Variants in CEP295 observed in about 807,000 individuals in gnomAD.
CEP295 encodes centrosomal protein 295, also known as centrosomal protein of 295 kDa.
A neutral mutation model predicts 291.6 loss-of-function variants in CEP295; 190 were observed. That is an observed-to-expected ratio of 0.65 (90% CI 0.58 to 0.73). CEP295 has a LOEUF of 0.73. Ranked by LOEUF, CEP295 falls within the 30% of genes least tolerant of loss-of-function variation. The pLI, the probability that CEP295 is intolerant of heterozygous loss-of-function variation, is 0.00. For synonymous variants in CEP295, 993 were observed against 1,038.8 expected (o/e 0.96, Z 0.85); for missense variants, 2,863 against 2,949.4 (o/e 0.97, Z 0.68).
rs754335669 is a variant in CEP295 at position 93,683,985 on chromosome 11, T to C, written c.971T>C (p.Leu324Pro). 3.2e-6 allele frequency: 5 copies of C among 1,551,274 alleles called. No individual in the cohort carries two copies. The highest frequency in any genetic ancestry group is 4.4e-6 in the Non-Finnish European group (5 of 1,146,990). The change falls in exon 9 of 30, where the codon CTG (leucine) becomes CCG (proline). Residue 324 changes from leucine (L) to proline (P), a missense_variant. Physicochemically the swap from Leu to Pro is moderately conservative, Grantham distance 98 (BLOSUM62 -3). This residue lies in a region of CEP295 where 554 missense variants were observed against 576.0 expected (regional missense o/e 0.96). Transcript: ENST00000325212. Reference sequence around the variant, plus strand: ...TAAGAGGTGAAAGGGAATCTGATTCTGCACCTTGAACCAGAGCCCTTGCCC... The same window carrying C: ...TAAGAGGTGAAAGGGAATCTGATTCCGCACCTTGAACCAGAGCCCTTGCCC... Reference protein sequence around the residue: ...ADRKVKGNLILHLEPEPLPTV... With the variant: ...ADRKVKGNLIPHLEPEPLPTV...
chr11:93,666,729 A>G lies in CEP295; in HGVS notation c.22A>G (p.Thr8Ala). ...AGAAATGAAGAGAAAAGTCGTGAAT[A>G]CTCACAAGCTGAGATTGAGTCCTAA... is the stretch of plus-strand genomic sequence containing the variant. The part of the protein sequence containing the change: MKRKVVN[T>A]HKLRLSPNEE... The change falls in exon 2 of 30, where the codon ACT becomes GCT. Residue 8 changes from threonine (T) to alanine (A), a missense_variant. Coordinates refer to ENST00000325212, the MANE Select transcript of CEP295 (RefSeq NM_033395.2). 6.5e-7 allele frequency: 1 copy of G among 1,540,068 alleles called. No homozygotes were observed. The highest frequency in any genetic ancestry group is 8.8e-7 in the Non-Finnish European group (1 of 1,138,748).
intron 15 of CEP295, 127 bp from the exon 16 acceptor site, chr11:93,702,333 T>G: frequency 3.6e-6 from 2 of 562,576 alleles, no homozygotes; most frequent in Non-Finnish European, 6.0e-6. Context: ...TAGATAAAAT[T>G]TTGTGATTGA....
chr11:93,699,915 C>T lies in CEP295; in HGVS notation c.5003C>T (p.Thr1668Ile), dbSNP rs959541452. 3 of 1,551,786 alleles carry T rather than the reference C, an allele frequency of 1.9e-6. No individual in the cohort carries two copies. The highest frequency in any genetic ancestry group is 2.7e-5 in the African/African-American group (2 of 73,178). ...TTTGCAGAAGCTAAACCTAAAAGCA[C>T]TTGTGAATTGTATTCATCCCAGAAT... The part of the protein sequence containing the change: ...LPFAEAKPKS[T>I]CELYSSQNEH... Residue 1668 changes from threonine (T) to isoleucine (I), a missense_variant, in exon 15 of 30, where the codon ACT becomes ATT. Around this residue, in one of 3 missense-constraint regions of CEP295, gnomAD observed 2,295 missense variants for 2,335.7 expected, o/e 0.98. Transcript: ENST00000325212.
In CEP295 at chr11:93,667,820, T is replaced by G; in HGVS notation, c.309+13T>G. 1.3e-6 allele frequency: 2 copies of G among 1,511,762 alleles called. No individual in the cohort carries two copies. The highest frequency in any genetic ancestry group is 1.8e-6 in the Non-Finnish European group (2 of 1,115,684). 93.6% of individuals were successfully genotyped at this position (1,511,762 alleles called of 1,614,324 possible). ...GGCCAAAGAAAATGTGAGTGAGATC[T>G]TATTTGACTACCCTGTTGTGGCAGT... On this transcript the variant is annotated intron_variant, in intron 3 of 29. Transcript: ENST00000325212.
rs1054893847 is a variant in CEP295 at position 93,669,626 on chromosome 11, C to T, written c.435-51C>T. The T allele has an allele frequency of 6.6e-6, 8 of 1,206,402 alleles. No homozygotes were observed. The Admixed American group carries it at 1.4e-4, about 21-fold the overall frequency. The allele number at this position is 1,206,402 out of a possible 1,614,324, so 74.7% of individuals were successfully genotyped here. Reference sequence around the variant, plus strand: ...CTTACATATTTTTAACCCTGTTGTACTATAATATTATCACTGAGAGATTAA... The same window carrying T: ...CTTACATATTTTTAACCCTGTTGTATTATAATATTATCACTGAGAGATTAA... On this transcript the variant is annotated intron_variant, in intron 4 of 29. Transcript: ENST00000325212.
At chr11:93,726,935 A>C in intron 23 of CEP295, 41 bp from the exon 24 acceptor site, 1 of 1,431,322 alleles carries the variant, frequency 7.0e-7, no homozygotes, top group South Asian at 1.5e-5. Flanking sequence ...CTTTTACAAC[A>C]TGTAACGATG....
In CEP295 at chr11:93,730,279, A is replaced by G. The variant is rs1377688544; in HGVS notation, c.*10A>G. The G allele has an allele frequency of 6.5e-7, 1 of 1,530,304 alleles. No individual in the cohort carries two copies. 94.8% of individuals were successfully genotyped at this position (1,530,304 alleles called of 1,614,324 possible). On this transcript the variant is annotated 3_prime_UTR_variant, in exon 30 of 30. Transcript: ENST00000325212. ...CAAAAATACATGCTGACTTTCTAGA[A>G]ATAGTGTAAAGGTTTTTTAATTGTG... is the stretch of plus-strand genomic sequence containing the variant.
intron 12 of CEP295, among the ~76,000 whole-genome samples, chr11:93,694,111 A>G (rs542129427): frequency 2.0e-5 from 3 of 152,366 alleles, no homozygotes; most frequent in Admixed American, 6.5e-5. Context: ...CTAACTAGGA[A>G]TAGGTAAAGA....
chr11:93,679,711 A>G (rs1429959988), intron 7 of CEP295, among the ~76,000 whole-genome samples, 159 bp downstream of exon 7: 48 of 152,164 alleles, frequency 3.2e-4, no homozygotes, highest in Admixed American at 3.1e-3. Context: ...TTTGCCCTCC[A>G]ATTTCAAGTT....
chr11:93,690,593 G>A (rs1446919617), intron 10 of CEP295, among the ~76,000 whole-genome samples: 2 of 149,888 alleles, frequency 1.3e-5, no homozygotes. Context: ...TGAGCCAGGC[G>A]TGGTGGCGGG....
chr11:93,684,114 C>G lies in CEP295; in HGVS notation c.1100C>G (p.Ser367Cys). The change falls in exon 9 of 30, where the codon TCT (serine) becomes TGT (cysteine). Residue 367 changes from serine (S) to cysteine (C), a missense_variant. This residue lies in a region of CEP295 where 554 missense variants were observed against 576.0 expected (regional missense o/e 0.96). Coordinates refer to ENST00000325212, the MANE Select transcript of CEP295 (RefSeq NM_033395.2). ...DLPVTEAEIC[S>C]SETDVPLVMK... ...CCAGTGACAGAAGCTGAAATATGTT[C>G]TAGTGAAACAGATGGTAAAAACCCT... 1 of 1,550,904 alleles carries G rather than the reference C, an allele frequency of 6.4e-7. No homozygotes were observed. The highest frequency in any genetic ancestry group is 8.7e-7 in the Non-Finnish European group (1 of 1,146,766).
At position 93,699,030 on chromosome 11, in the gene CEP295, G is replaced by A. The variant is rs768415947; in HGVS notation, c.4118G>A (p.Arg1373Gln). ...ATCATTCTAGCTAGACAAGAAGCTC[G>A]GGAAGAATTACTTTTACATCAGAGT... ...EAIILARQEAREELLLHQSEW... is the reference protein window; with the variant it reads ...EAIILARQEAQEELLLHQSEW... The change falls in exon 15 of 30, where the codon CGG becomes CAG. Residue 1373 changes from arginine to glutamine, a missense_variant. This residue lies in a region of CEP295 where 2,295 missense variants were observed against 2,335.7 expected (regional missense o/e 0.98). Coordinates refer to ENST00000325212, the MANE Select transcript of CEP295 (RefSeq NM_033395.2). 2.7e-5 allele frequency: 42 copies of A among 1,546,404 alleles called. No individual in the cohort carries two copies. Among genetic ancestry groups the A allele is most frequent in the Middle Eastern group, 1.7e-4 (1 of 6,018 alleles).
chr11:93,667,149 A>T (rs1476655039), intron 2 of CEP295, among the ~76,000 whole-genome samples: 2 of 152,244 alleles, frequency 1.3e-5, no homozygotes, highest in African/African-American at 4.8e-5. Context: ...AAACAAATTT[A>T]TCAGGAAATT....
intron 17 of CEP295, among the ~76,000 whole-genome samples, chr11:93,704,278 G>T (rs1029793122): frequency 6.6e-6 from 1 of 152,148 alleles, no homozygotes; most frequent in African/African-American, 2.4e-5. Flanking sequence ...AATATTAGCT[G>T]TTTGATCTTC....
Position 93,729,660 on chromosome 11 carries a change from A to C in CEP295, c.7446A>C (p.Ala2482=), listed in dbSNP as rs1304687238. ...LTPVPGSLQE[A]FIKRKKSFME... ...CTGTACCAGGGAGCTTACAAGAAGC[A>C]TTTATAAAGAGGAAAAAATCATTTA... The change falls in exon 27 of 30, where the codon GCA becomes GCC. Residue 2482 remains alanine (A), a synonymous_variant. Transcript: ENST00000325212. 1.9e-6 allele frequency: 3 copies of C among 1,551,050 alleles called. No individual in the cohort carries two copies. In the South Asian group the frequency reaches 3.6e-5, roughly 18 times the overall value.
intron 7 of CEP295, among the ~76,000 whole-genome samples, chr11:93,680,023 T>C (rs979774076): frequency 1.1e-4 from 16 of 152,188 alleles, no homozygotes; most frequent in Admixed American, 2.0e-4. Context: ...ATGCCTGTAA[T>C]CCCAGCACTC....
At chr11:93,712,514 A>G (rs1242693784) in intron 18 of CEP295, among the ~76,000 whole-genome samples, 2 of 152,186 alleles carry the variant, frequency 1.3e-5, no homozygotes, top group Admixed American at 6.5e-5. Flanking sequence ...TAGACCTCCC[A>G]AACTGCTAGG....
rs1389728153 is a variant in CEP295 at position 93,699,811 on chromosome 11, C to A, written c.4899C>A (p.Asn1633Lys). Residue 1633 changes from asparagine (N) to lysine (K), a missense_variant, in exon 15 of 30, where the codon AAC (asparagine) becomes AAA (lysine). Physicochemically the swap from Asn to Lys is moderately conservative, Grantham distance 94. This residue lies in a region of CEP295 where 2,295 missense variants were observed against 2,335.7 expected (regional missense o/e 0.98). Coordinates refer to ENST00000325212, the MANE Select transcript of CEP295 (RefSeq NM_033395.2). Reference protein sequence around the residue: ...ELSLNKQRKLNKSESAEHTIP... With the variant: ...ELSLNKQRKLKKSESAEHTIP... Reference sequence around the variant, plus strand: ...CTTTAAACAAACAAAGAAAGTTGAACAAAAGTGAATCTGCTGAGCATACTA... The same window carrying A: ...CTTTAAACAAACAAAGAAAGTTGAAAAAAAGTGAATCTGCTGAGCATACTA... The A allele has an allele frequency of 2.6e-6, 4 of 1,552,082 alleles. No individual in the cohort carries two copies. The African/African-American group carries it at 4.1e-5, about 16-fold the overall frequency.
intron 17 of CEP295, among the ~76,000 whole-genome samples, chr11:93,704,819 G>A (rs180927875): frequency 6.6e-6 from 1 of 152,246 alleles, no homozygotes; most frequent in East Asian, 1.9e-4. Context: ...ACATAAAACA[G>A]CAGTTCTTCC....
Sources: allele counts gnomAD v4.1 joint callset (sites outside exome capture counted in the v4.1 genomes callset), GRCh38; gene constraint gnomAD v4.1.1; regional missense constraint gnomAD v4.1.1; transcripts MANE v1.5; gene names NCBI Gene and HGNC (gene_info 2026-07-23, HGNC 2026-07-21).